The following MOCS1 variants were observed in gnomAD, a reference collection of about 807,000 sequenced individuals.
MOCS1 encodes molybdenum cofactor synthesis 1.
In MOCS1, 39 loss-of-function variants were observed where a neutral mutation model predicts 57.6. The ratio of observed to expected loss-of-function variants is 0.68; its 90% CI spans 0.52 to 0.88. The LOEUF (loss-of-function observed/expected upper bound fraction) is 0.88, where lower values mean the gene tolerates loss of function less well. MOCS1 is among the 40% of genes least tolerant of loss of function. The probability of loss-of-function intolerance (pLI) is 0.00; values close to 1 mark genes in which losing one functional copy is unlikely to be tolerated. For synonymous variants in MOCS1, 334 were observed against 335.7 expected (o/e 1.00, Z 0.05); for missense variants, 795 against 831.1 (o/e 0.96, Z 0.53).
In MOCS1 at chr6:39,906,232, C is replaced by T. The variant is rs779386398; in HGVS notation, c.*125G>A. On this transcript the variant is annotated 3_prime_UTR_variant, in exon 11 of 11. Coordinates refer to ENST00000340692, the MANE Select transcript of MOCS1 (RefSeq NM_001358530.2). ...GTTTGTTAGTAGTAGAGCAGGCTGA[C>T]TTCGGGTTTACTGCTCAAGGTAAAC... The T allele has an allele frequency of 8.1e-7, 1 of 1,236,960 alleles. No individual in the cohort carries two copies. Among genetic ancestry groups the T allele is most frequent in the Admixed American group, 1.7e-5 (1 of 59,538 alleles). 76.6% of individuals were successfully genotyped at this position (1,236,960 alleles called of 1,614,324 possible). A position where few individuals can be genotyped will look rare whatever the true frequency, so the allele number is the denominator to read the frequency against.
At position 39,912,875 on chromosome 6, in the gene MOCS1, C is replaced by T. The variant is rs1210251736; in HGVS notation, c.870+17G>A. 1.2e-6 allele frequency: 2 copies of T among 1,606,478 alleles called. No individual in the cohort carries two copies. The highest frequency in any genetic ancestry group is 2.7e-5 in the African/African-American group (2 of 74,760). On this transcript the variant is annotated intron_variant, in intron 7 of 10. Transcript: ENST00000340692. ...GACCTTCCTCCAGGCCTGCCCCACA[C>T]CCTCCTGCTCCCTAACCTTGGCTGT... is the stretch of plus-strand genomic sequence containing the variant.
intron 9 of MOCS1, 80 bp downstream of exon 9, chr6:39,909,755 T>C: frequency 1.3e-6 from 2 of 1,590,620 alleles, no homozygotes; most frequent in Non-Finnish European, 1.7e-6. Flanking sequence ...CTTGGTCATC[T>C]CACCCCACAA....
At chr6:39,912,707 G>A (rs1767408051) in intron 7 of MOCS1, among the ~76,000 whole-genome samples, 185 bp downstream of exon 7, 1 of 152,146 alleles carries the variant, frequency 6.6e-6, no homozygotes, top group African/African-American at 2.4e-5. Context: ...CCCCACCCTA[G>A]CCGAGCCCAC....
In MOCS1 at chr6:39,904,451, C is replaced by T. The variant is rs1338566396; in HGVS notation, c.*1906G>A. ...ATAGGTTGTTTCTTGGTCTTGCTTT[C>T]TTCATGCCCTCCCCACTGCTCCTGC... On this transcript the variant is annotated 3_prime_UTR_variant, in exon 11 of 11. Coordinates refer to ENST00000340692, the MANE Select transcript of MOCS1 (RefSeq NM_001358530.2). The T allele has an allele frequency of 2.2e-6, 1 of 454,668 alleles. No homozygotes were observed. The highest frequency in any genetic ancestry group is 4.4e-6 in the Non-Finnish European group (1 of 226,966). 28.2% of individuals were successfully genotyped at this position (454,668 alleles called of 1,614,324 possible).
At chr6:39,924,836 TG>T (rs1330175090) in intron 3 of MOCS1, among the ~76,000 whole-genome samples, 1 of 152,204 alleles carries the variant, frequency 6.6e-6, no homozygotes, top group Non-Finnish European at 1.5e-5. Context: ...CTCAGCACTT[TG>T]GGAGGCCGAG....
chr6:39,934,069 T>TGG (rs1554192750), intron 1 of MOCS1, among the ~76,000 whole-genome samples: 1 of 151,910 alleles, frequency 6.6e-6, no homozygotes, highest in African/African-American at 2.4e-5. Flanking sequence ...GTGGCGTGGC[T>TGG]GGGGGGCAGG....
intron 10 of MOCS1, among the ~76,000 whole-genome samples, chr6:39,908,576 T>A (rs189107418): frequency 1.9e-3 from 296 of 152,318 alleles, no homozygotes; most frequent in Non-Finnish European, 3.6e-3. Flanking sequence ...AGTAACATTA[T>A]TAACTTGCTG....
intron 1 of MOCS1, among the ~76,000 whole-genome samples, chr6:39,932,682 A>C (rs533033912): frequency 6.6e-6 from 1 of 152,362 alleles, no homozygotes; most frequent in South Asian, 2.1e-4. Flanking sequence ...ATAGCTATCC[A>C]ACAAGTCCAG....
At chr6:39,928,217 T>A (rs1258598605) in intron 1 of MOCS1, among the ~76,000 whole-genome samples, 1 of 149,488 alleles carries the variant, frequency 6.7e-6, no homozygotes, top group Non-Finnish European at 1.5e-5. Flanking sequence ...CAGGCTGGAG[T>A]GCAGTAGCGC....
intron 6 of MOCS1, 33 bp from the exon 7 acceptor site, chr6:39,913,037 T>C: frequency 6.3e-7 from 1 of 1,591,552 alleles, no homozygotes; most frequent in Non-Finnish European, 8.6e-7. Context: ...CAAGGGGAGC[T>C]TCTGAATCAC....
At chr6:39,918,010 T>C (rs1767755419) in intron 3 of MOCS1, among the ~76,000 whole-genome samples, 1 of 152,216 alleles carries the variant, frequency 6.6e-6, no homozygotes, top group Non-Finnish European at 1.5e-5. Context: ...AGATAAGCTA[T>C]GAAAATGTAC....
At chr6:39,926,740 A>G (rs1306598695) in intron 2 of MOCS1, among the ~76,000 whole-genome samples, 2 of 10 alleles carry the variant, frequency 0.2, no homozygotes, top group African/African-American at 0.5. Context: ...AAGGGGGGGA[A>G]GGGGGGAAGG....
rs1562080813 is a variant in MOCS1 at position 39,905,925 on chromosome 6, CT to C, written c.*431del. The C allele has an allele frequency of 2.2e-6, 1 of 464,658 alleles. No homozygotes were observed. The highest frequency in any genetic ancestry group is 2.4e-5 in the Admixed American group (1 of 42,282). 28.8% of individuals were successfully genotyped at this position (464,658 alleles called of 1,614,324 possible). A position where few individuals can be genotyped will look rare whatever the true frequency, so the allele number is the denominator to read the frequency against. Reference sequence around the variant, plus strand: ...TCTTCAGGCAAGCTTGTGCTTTGCTCTCCTCAAAGTGGGCTCCTCTGCTTAA... The same window carrying C: ...TCTTCAGGCAAGCTTGTGCTTTGCTCCCTCAAAGTGGGCTCCTCTGCTTAA... On this transcript the variant is annotated 3_prime_UTR_variant, in exon 11 of 11. Coordinates refer to ENST00000340692, the MANE Select transcript of MOCS1 (RefSeq NM_001358530.2).
At chr6:39,932,880 A>C (rs1221798517) in intron 1 of MOCS1, among the ~76,000 whole-genome samples, 4 of 152,216 alleles carry the variant, frequency 2.6e-5, no homozygotes, top group Non-Finnish European at 5.9e-5. Context: ...CTTACTTTGC[A>C]GATGAGAAAA....
intron 1 of MOCS1, chr6:39,932,178 C>T (rs1249708505): frequency 6.6e-6 from 1 of 152,368 alleles, no homozygotes; most frequent in Non-Finnish European, 1.5e-5. Flanking sequence ...CATCCCAAAC[C>T]AGACTACCAG....
intron 4 of MOCS1, 115 bp from the exon 5 acceptor site, chr6:39,913,950 A>G (rs1767506867): frequency 9.4e-7 from 1 of 1,062,196 alleles, no homozygotes; most frequent in African/African-American, 1.6e-5. Context: ...GTTTTCTAAA[A>G]CAGGCCAGAG....
rs780775165 is a variant in MOCS1, at chr6:39,906,221, G to C, written c.*136C>G. ...GCAGCAGGCCTGTTTGTTAGTAGTA[G>C]AGCAGGCTGACTTCGGGTTTACTGC... On this transcript the variant is annotated 3_prime_UTR_variant, in exon 11 of 11. Coordinates refer to ENST00000340692, the MANE Select transcript of MOCS1 (RefSeq NM_001358530.2). 2 of 1,070,178 alleles carry C rather than the reference G, an allele frequency of 1.9e-6. No individual in the cohort carries two copies. The highest frequency in any genetic ancestry group is 2.9e-6 in the Non-Finnish European group (2 of 696,598). 66.3% of individuals were successfully genotyped at this position (1,070,178 alleles called of 1,614,324 possible). A position where few individuals can be genotyped will look rare whatever the true frequency, so the allele number is the denominator to read the frequency against.
At chr6:39,907,751 G>A (rs1767049725) in intron 10 of MOCS1, among the ~76,000 whole-genome samples, 1 of 152,164 alleles carries the variant, frequency 6.6e-6, no homozygotes, top group Non-Finnish European at 1.5e-5. Context: ...AGCAGCACCA[G>A]CAGCACCAGC....
intron 6 of MOCS1, 58 bp downstream of exon 6, chr6:39,913,259 A>C (rs1767446848): frequency 1.4e-6 from 2 of 1,458,604 alleles, no homozygotes; most frequent in Non-Finnish European, 9.6e-7. Flanking sequence ...GAGCCACACT[A>C]TGCGACCTGC....
Sources: gnomAD v4.1 joint callset for allele counts (sites outside exome capture counted in the v4.1 genomes callset) on GRCh38, gnomAD v4.1.1 for gene constraint, MANE v1.5 for transcripts, NCBI Gene and HGNC (gene_info 2026-07-23, HGNC 2026-07-21) for gene names.